Variants in TMEFF1 observed in about 807,000 individuals in gnomAD.
The protein encoded by TMEFF1 is tomoregulin-1.
TMEFF1 carries 20 observed loss-of-function variants against 47.5 expected under a neutral mutation model. That is an observed-to-expected ratio of 0.42 (90% CI 0.30 to 0.61). The LOEUF (loss-of-function observed/expected upper bound fraction) is 0.61. Among genes scored for constraint, TMEFF1 ranks in the 20% least tolerant of loss-of-function variants. The probability of loss-of-function intolerance (pLI) is 0.19; values close to 1 mark genes in which losing one functional copy is unlikely to be tolerated. For synonymous variants in TMEFF1, 162 were observed against 166.3 expected, an observed-to-expected ratio of 0.97 and a Z score of 0.20; for missense variants, 411 against 471.1, an observed-to-expected ratio of 0.87 and a Z score of 1.18.
chr9:100,547,601 T>G (rs1347602251), intron 5 of TMEFF1, 143 bp from the exon 6 acceptor site: 1 of 1,008,414 alleles, frequency 9.9e-7, no homozygotes, highest in Non-Finnish European at 1.3e-6. Flanking sequence ...GTATTTACTT[T>G]GCTTAAGCTT....
intron 5 of TMEFF1, among the ~76,000 whole-genome samples, chr9:100,535,090 T>C (rs1191776627): frequency 1.3e-5 from 2 of 152,222 alleles, no homozygotes; most frequent in African/African-American, 4.8e-5. Context: ...GACCCACTTC[T>C]GTAATTGCCA....
chr9:100,555,273 C>T (rs1342035954), intron 7 of TMEFF1, among the ~76,000 whole-genome samples: 2 of 152,098 alleles, frequency 1.3e-5, no homozygotes, highest in Non-Finnish European at 2.9e-5. Flanking sequence ...TAGCTAAGGG[C>T]TTGTTTAGGC....
intron 5 of TMEFF1, among the ~76,000 whole-genome samples, chr9:100,525,690 T>G (rs969321933): frequency 6.6e-6 from 1 of 152,140 alleles, no homozygotes; most frequent in African/African-American, 2.4e-5. Context: ...AGAATTGGGG[T>G]GGGGCTGGGA....
chr9:100,489,727 G>A (rs920125324), intron 1 of TMEFF1, among the ~76,000 whole-genome samples: 1 of 152,104 alleles, frequency 6.6e-6, no homozygotes, highest in Non-Finnish European at 1.5e-5. Context: ...GACTTTAAAT[G>A]TGTCATGTCA....
At chr9:100,568,214 T>C (rs1839162127) in intron 8 of TMEFF1, among the ~76,000 whole-genome samples, 1 of 152,222 alleles carries the variant, frequency 6.6e-6, no homozygotes, top group African/African-American at 2.4e-5. Context: ...CTATTGGTTC[T>C]TTTTGATACT....
chr9:100,516,815 T>TA, intron 5 of TMEFF1, 44 bp downstream of exon 5: 3 of 1,598,240 alleles, frequency 1.9e-6, no homozygotes, highest in East Asian at 2.2e-5. Flanking sequence ...TAGAGATTAA[T>TA]CATCAGTATG....
At position 100,576,660 on chromosome 9, in the gene TMEFF1, A is replaced by G; in HGVS notation, c.*60A>G. ...TGTACATTTATTATGTCTTTTTTTA[A>G]AGAATGGAAATATTTATTTCAGAGG... is the stretch of plus-strand genomic sequence containing the variant. On this transcript the variant is annotated 3_prime_UTR_variant, in exon 10 of 10. Coordinates refer to ENST00000374879, the MANE Select transcript of TMEFF1 (RefSeq NM_003692.5). 2 of 1,545,702 alleles carry G rather than the reference A, an allele frequency of 1.3e-6. No individual in the cohort carries two copies. Among genetic ancestry groups the G allele is most frequent in the Non-Finnish European group, 1.7e-6 (2 of 1,147,700 alleles).
intron 5 of TMEFF1, among the ~76,000 whole-genome samples, chr9:100,525,907 GTCTC>G (rs145352338): frequency 2.0e-5 from 3 of 151,976 alleles, no homozygotes; most frequent in African/African-American, 7.3e-5. Context: ...AAATTCCTTT[GTCTC>G]TCTCTCCTAT....
intron 5 of TMEFF1, among the ~76,000 whole-genome samples, chr9:100,527,766 G>A (rs1434279173): frequency 5.3e-5 from 8 of 152,334 alleles, no homozygotes; most frequent in Admixed American, 3.3e-4. Flanking sequence ...GCCTGCCTCT[G>A]TAGGCTCCAC....
intron 7 of TMEFF1, among the ~76,000 whole-genome samples, chr9:100,558,076 A>G (rs1286497537): frequency 6.6e-6 from 1 of 152,138 alleles, no homozygotes; most frequent in African/African-American, 2.4e-5. Flanking sequence ...TATTGGTGCC[A>G]TACTTTTCTT....
intron 5 of TMEFF1, among the ~76,000 whole-genome samples, chr9:100,543,499 A>G (rs1458081077): frequency 2.0e-5 from 3 of 151,350 alleles, no homozygotes; most frequent in Admixed American, 6.6e-5. Flanking sequence ...TGAGCTGCAT[A>G]TTTTTCTCAG....
At chr9:100,489,360 G>C (rs1470093631) in intron 1 of TMEFF1, among the ~76,000 whole-genome samples, 1 of 151,948 alleles carries the variant, frequency 6.6e-6, no homozygotes, top group South Asian at 2.1e-4. Context: ...GTGCCACCAC[G>C]CCTGGCAGAT....
chr9:100,501,712 G>A (rs917834848), intron 2 of TMEFF1, among the ~76,000 whole-genome samples: 5 of 151,828 alleles, frequency 3.3e-5, no homozygotes, highest in Admixed American at 2.0e-4. Context: ...TGGTGCGATC[G>A]TGGCTCACTG....
intron 2 of TMEFF1, 70 bp downstream of exon 2, chr9:100,498,944 TAAA>T (rs1302730774): frequency 5.9e-6 from 9 of 1,515,718 alleles, no homozygotes; most frequent in Non-Finnish European, 5.4e-6. Context: ...TTCTTCAAAT[TAAA>T]AAACCTAAAA....
intron 5 of TMEFF1, among the ~76,000 whole-genome samples, chr9:100,530,545 G>C (rs975717837): frequency 7.9e-5 from 12 of 152,156 alleles, no homozygotes; most frequent in African/African-American, 2.9e-4. Context: ...GGAAGAAGTT[G>C]AATCTCTGAA....
At chr9:100,475,241 C>T (rs1341579737) in intron 1 of TMEFF1, among the ~76,000 whole-genome samples, 2 of 152,076 alleles carry the variant, frequency 1.3e-5, no homozygotes, top group Admixed American at 6.5e-5. Context: ...AGCCTTTGGC[C>T]CGCTATTTAG....
chr9:100,561,644 T>A, intron 8 of TMEFF1, 124 bp downstream of exon 8: 1 of 1,317,980 alleles, frequency 7.6e-7, no homozygotes, highest in Non-Finnish European at 9.7e-7. Flanking sequence ...AGTAGACAAG[T>A]AAAAAACAAA....
chr9:100,502,507 G>A (rs190539506), intron 2 of TMEFF1, among the ~76,000 whole-genome samples: 2 of 152,122 alleles, frequency 1.3e-5, no homozygotes, highest in African/African-American at 4.8e-5. Context: ...CAGCAGGTGT[G>A]CATCACCACA....
intron 8 of TMEFF1, among the ~76,000 whole-genome samples, chr9:100,562,186 T>G (rs1486991420): frequency 1.3e-5 from 2 of 152,152 alleles, no homozygotes; most frequent in African/African-American, 4.8e-5. Flanking sequence ...CAGGTGATGT[T>G]TCTATAGACA....
Sources: gnomAD v4.1 joint callset for allele counts (sites outside exome capture counted in the v4.1 genomes callset) on GRCh38, gnomAD v4.1.1 for gene constraint, MANE v1.5 for transcripts, NCBI Gene and HGNC (gene_info 2026-07-23, HGNC 2026-07-21) for gene names.